The following LRP1B variants were observed in gnomAD, a reference collection of about 807,000 sequenced individuals.
LRP1B encodes the protein LDL receptor related protein 1B.
LRP1B carries 217 observed loss-of-function variants against 556.6 expected under a neutral mutation model. The observed-to-expected ratio is 0.39, with a 90% CI of 0.35 to 0.44. The LOEUF (loss-of-function observed/expected upper bound fraction) is 0.44, where lower values mean the gene tolerates loss of function less well. Ranked by LOEUF, LRP1B falls within the 20% of genes least tolerant of loss-of-function variation. LRP1B has a pLI of 1.00. For synonymous variants in LRP1B, 2,047 were observed against 1,865.8 expected, an observed-to-expected ratio of 1.10 and a Z score of -2.50; for missense variants, 5,053 against 5,620.8, an observed-to-expected ratio of 0.90 and a Z score of 3.23.
At chr2:140,992,250 CA>C (rs984926422) in intron 16 of LRP1B, among the ~76,000 whole-genome samples, 2 of 151,662 alleles carry the variant, frequency 1.3e-5, no homozygotes, top group Non-Finnish European at 2.9e-5. Flanking sequence ...AAAAAAAACA[CA>C]AAAAAACCAT....
chr2:141,066,354 T>C (rs1298589223), intron 7 of LRP1B, among the ~76,000 whole-genome samples: 1 of 151,976 alleles, frequency 6.6e-6, no homozygotes, highest in Non-Finnish European at 1.5e-5. Context: ...CAGTTGAGGA[T>C]AGTAAGAAAC....
intron 7 of LRP1B, among the ~76,000 whole-genome samples, chr2:141,156,366 T>C (rs74268849): frequency 0.034 from 5,108 of 152,170 alleles, 143 homozygotes; most frequent in East Asian, 0.16. Flanking sequence ...CATTAGCTCT[T>C]GCCTGTAATC....
chr2:141,516,045 C>A (rs575066289), intron 2 of LRP1B, among the ~76,000 whole-genome samples: 4 of 152,206 alleles, frequency 2.6e-5, no homozygotes, highest in South Asian at 4.1e-4. Flanking sequence ...AGGGCCAGCA[C>A]CTCTTGGTTA....
chr2:140,417,450 T>C (rs1685247603), intron 66 of LRP1B, among the ~76,000 whole-genome samples: 1 of 152,230 alleles, frequency 6.6e-6, no homozygotes, highest in Non-Finnish European at 1.5e-5. Context: ...ATCACTATTA[T>C]ATGCAATCCA....
intron 2 of LRP1B, among the ~76,000 whole-genome samples, chr2:141,706,186 A>C (rs998010573): frequency 2.0e-5 from 3 of 152,014 alleles, no homozygotes; most frequent in Non-Finnish European, 1.5e-5. Context: ...GCCATCTTTC[A>C]TTCTCAGTGG....
At chr2:141,927,944 A>AC (rs1057274891) in intron 1 of LRP1B, among the ~76,000 whole-genome samples, 3 of 151,438 alleles carry the variant, frequency 2.0e-5, no homozygotes, top group African/African-American at 7.3e-5. Flanking sequence ...AAAAAAAAAA[A>AC]CAAAACACTG....
chr2:141,866,839 GAA>G (rs145614993), intron 1 of LRP1B, among the ~76,000 whole-genome samples: 207 of 151,324 alleles, frequency 1.4e-3, no homozygotes, highest in African/African-American at 4.8e-3. Flanking sequence ...AAGGAGAGAG[GAA>G]AGGAAATAGA....
At chr2:141,022,585 T>C (rs1444836944) in intron 11 of LRP1B, among the ~76,000 whole-genome samples, 1 of 151,940 alleles carries the variant, frequency 6.6e-6, no homozygotes, top group Non-Finnish European at 1.5e-5. Context: ...ACGTTTGATA[T>C]TTTATTCAAA....
chr2:140,709,466 G>A (rs1686954396), intron 37 of LRP1B, among the ~76,000 whole-genome samples: 1 of 151,468 alleles, frequency 6.6e-6, no homozygotes, highest in African/African-American at 2.4e-5. Flanking sequence ...AGAAGAAGAA[G>A]AAGAGGAAGA....
At chr2:140,795,832 T>C (rs1306882712) in intron 32 of LRP1B, among the ~76,000 whole-genome samples, 1 of 152,096 alleles carries the variant, frequency 6.6e-6, no homozygotes. Flanking sequence ...CATGAGATAA[T>C]ACCTGGAGTA....
At chr2:140,889,355 G>A (rs2105198315) in intron 23 of LRP1B, among the ~76,000 whole-genome samples, 1 of 152,280 alleles carries the variant, frequency 6.6e-6, no homozygotes, top group East Asian at 1.9e-4. Flanking sequence ...GAGTACAGTG[G>A]CATGATCTTG....
intron 66 of LRP1B, among the ~76,000 whole-genome samples, chr2:140,405,960 G>T (rs567488584): frequency 6.6e-6 from 1 of 151,954 alleles, no homozygotes; most frequent in Non-Finnish European, 1.5e-5. Context: ...CCAGATAATC[G>T]AATCCAATAG....
rs1695333784 is a variant in LRP1B, at chr2:140,939,586, G to C, written c.3136+10649C>G. Among the ~76,000 whole-genome samples the C allele has an allele frequency of 2.0e-5, 3 of 149,814 alleles. 1 individual carries two copies. In the South Asian group the frequency reaches 6.3e-4, roughly 31 times the overall value. On this transcript the variant is annotated intron_variant, in intron 20 of 90. Coordinates refer to ENST00000389484, the MANE Select transcript of LRP1B (RefSeq NM_018557.3). ...TTACTTTTATATTTGCATTTAAACT[G>C]TATTTACTATGTAAATAAGATATCA...
rs1558760510 is a variant in LRP1B at position 140,270,235 on chromosome 2, T to A, written c.13247+7A>T. 1.2e-6 allele frequency: 2 copies of A among 1,604,026 alleles called. No homozygotes were observed. The highest frequency in any genetic ancestry group is 1.1e-5 in the South Asian group (1 of 90,802). On this transcript the variant is annotated splice_region_variant and intron_variant, in intron 86 of 90. Coordinates refer to ENST00000389484, the MANE Select transcript of LRP1B (RefSeq NM_018557.3). The stretch of plus-strand genomic sequence containing the variant: ...ATAAGATGCCCATGACTTGATTAAA[T>A]ACTCACAGACACACAGGTACATTTG...
chr2:140,812,355 C>T (rs1690958097), intron 32 of LRP1B, among the ~76,000 whole-genome samples: 1 of 151,968 alleles, frequency 6.6e-6, no homozygotes, highest in Non-Finnish European at 1.5e-5. Context: ...ATCATCTTAA[C>T]ACTTAAGGTT....
At chr2:141,320,855 TGA>T (rs1368592679) in intron 3 of LRP1B, among the ~76,000 whole-genome samples, 3 of 152,094 alleles carry the variant, frequency 2.0e-5, no homozygotes, top group Non-Finnish European at 4.4e-5. Context: ...TAATGACATG[TGA>T]GAGTTTTGTT....
At position 141,362,134 on chromosome 2, in the gene LRP1B, T is replaced by C. The variant is rs547936448; in HGVS notation, c.344-107493A>G. On this transcript the variant is annotated intron_variant, in intron 3 of 90. Coordinates refer to ENST00000389484, the MANE Select transcript of LRP1B (RefSeq NM_018557.3). ...GACAGTCTTTTAAATTTAATATGCA[T>C]CTTCTCTGCCTTTTCATCAGTTATT... Among the ~76,000 whole-genome samples the C allele has an allele frequency of 2.0e-5, 3 of 152,346 alleles. No homozygotes were observed. The East Asian group carries it at 5.8e-4, about 29-fold the overall frequency.
At chr2:140,955,110 T>C (rs1695834654) in intron 18 of LRP1B, among the ~76,000 whole-genome samples, 1 of 151,932 alleles carries the variant, frequency 6.6e-6, no homozygotes, top group Admixed American at 6.6e-5. Context: ...AGAGATATCA[T>C]CTAGAAATGC....
chr2:141,654,019 G>A (rs971848366), intron 2 of LRP1B, among the ~76,000 whole-genome samples: 19 of 152,222 alleles, frequency 1.2e-4, no homozygotes, highest in Non-Finnish European at 1.8e-4. Flanking sequence ...CTCAGAGAAG[G>A]TTCTAAGCAT....
Sources: allele counts gnomAD v4.1 joint callset (sites outside exome capture counted in the v4.1 genomes callset), GRCh38; gene constraint gnomAD v4.1.1; transcripts MANE v1.5; gene names NCBI Gene and HGNC (gene_info 2026-07-23, HGNC 2026-07-21).